The following SLC12A3 variants were observed in gnomAD, a reference collection of about 807,000 sequenced individuals.
The protein encoded by SLC12A3 is solute carrier family 12 member 3.
In SLC12A3, 104 loss-of-function variants were observed where a neutral mutation model predicts 121.0. The observed-to-expected ratio is 0.86, with a 90% CI of 0.73 to 1.01. The LOEUF is 1.01. SLC12A3 is among the 50% of genes least tolerant of loss of function. The pLI is 0.00. For missense variants in SLC12A3, 1,328 were observed against 1,356.3 expected (o/e 0.98, Z 0.33); for synonymous variants, 536 against 533.4 (o/e 1.00, Z -0.07).
rs754209317 is a variant in SLC12A3 at position 56,890,262 on chromosome 16, C to T, written c.2286-12C>T. ...TGGGGGAGAAGCTGGACCTCACCTC[C>T]TCTCTTTCCAGTGATGCCTTTGATT... On this transcript the variant is annotated splice_polypyrimidine_tract_variant and intron_variant, in intron 18 of 25. Transcript: ENST00000563236. The T allele has an allele frequency of 6.2e-7, 1 of 1,612,794 alleles. No individual in the cohort carries two copies.
chr16:56,877,937 G>A (rs1277273476), intron 8 of SLC12A3, 140 bp from the exon 9 acceptor site: 1 of 623,922 alleles, frequency 1.6e-6, no homozygotes. Context: ...AGGGGCCAAG[G>A]TCAGAGGTTG....
intron 18 of SLC12A3, among the ~76,000 whole-genome samples, chr16:56,889,434 C>T (rs560515672): frequency 2.8e-4 from 42 of 152,306 alleles, no homozygotes; most frequent in African/African-American, 9.9e-4. Context: ...TCAGGCAGTA[C>T]ATACACCTTT....
intron 25 of SLC12A3, among the ~76,000 whole-genome samples, chr16:56,910,872 C>T (rs1248185539): frequency 4.6e-5 from 7 of 152,154 alleles, no homozygotes; most frequent in African/African-American, 1.7e-4. Flanking sequence ...TGTTCTGGAA[C>T]AGTTTTATTT....
rs1596959977 is a variant in SLC12A3, at chr16:56,909,482, G to C, written c.2925-3782G>C. On this transcript the variant is annotated intron_variant, in intron 25 of 25. Coordinates refer to ENST00000563236, the MANE Select transcript of SLC12A3 (RefSeq NM_001126108.2). ...AATCCCCCACCCACCAGCCTTTGTG[G>C]GATTTGCCAATACAAGTAATTATAA... 4.0e-5 allele frequency among the ~76,000 whole-genome samples: 6 copies of C among 148,316 alleles called. No homozygotes were observed. In the South Asian group the frequency reaches 1.3e-3, roughly 32 times the overall value.
In SLC12A3 at chr16:56,913,806, G is replaced by T; in HGVS notation, c.*401G>T. On this transcript the variant is annotated 3_prime_UTR_variant, in exon 26 of 26. Transcript: ENST00000563236. ...TCCTGGGTGAAAGTTCCTAAATCAT[G>T]CCCTGCTTCCTCCAATAGGAGAATG... The T allele has an allele frequency of 3.1e-6, 1 of 322,490 alleles. No individual in the cohort carries two copies. The highest frequency in any genetic ancestry group is 2.6e-5 in the South Asian group (1 of 37,884). The allele number at this position is 322,490 out of a possible 1,614,324, so 20.0% of individuals were successfully genotyped here.
intron 22 of SLC12A3, among the ~76,000 whole-genome samples, chr16:56,895,950 T>C (rs1228286210): frequency 6.6e-6 from 1 of 152,012 alleles, no homozygotes; most frequent in Admixed American, 6.6e-5. Context: ...AAGAGTCTAA[T>C]GCCACTGCTG....
chr16:56,912,486 T>C (rs1281858403), intron 25 of SLC12A3, among the ~76,000 whole-genome samples: 1 of 152,138 alleles, frequency 6.6e-6, no homozygotes, highest in Non-Finnish European at 1.5e-5. Context: ...GACGCTGAGC[T>C]GGACAATGAA....
At chr16:56,887,827 G>T (rs2055338678) in intron 17 of SLC12A3, 98 bp from the exon 18 acceptor site, 5 of 319,148 alleles carry the variant, frequency 1.6e-5, no homozygotes, top group South Asian at 1.5e-4. Context: ...TTGAGAATCA[G>T]CACATCTGGA....
chr16:56,873,628 T>G (rs1188766583), intron 8 of SLC12A3, among the ~76,000 whole-genome samples: 1 of 151,474 alleles, frequency 6.6e-6, no homozygotes, highest in Admixed American at 6.6e-5. Context: ...CCTCAGGTGA[T>G]CCATTCGCCT....
chr16:56,878,506 A>T (rs1253748640), intron 9 of SLC12A3, among the ~76,000 whole-genome samples: 1 of 151,922 alleles, frequency 6.6e-6, no homozygotes, highest in African/African-American at 2.4e-5. Context: ...CCAGTAACTG[A>T]CTTCCCATGT....
chr16:56,887,148 G>A (rs2055325682), intron 17 of SLC12A3, 55 bp downstream of exon 17: 1 of 1,611,888 alleles, frequency 6.2e-7, no homozygotes, highest in East Asian at 2.2e-5. Context: ...GCACAACCTG[G>A]AAGGCAGAAA....
At chr16:56,870,816 T>A in intron 6 of SLC12A3, 80 bp downstream of exon 6, 1 of 762,394 alleles carries the variant, frequency 1.3e-6, no homozygotes, top group Non-Finnish European at 2.3e-6. Flanking sequence ...CCCTCCCTGG[T>A]CCTCTGCCTT....
chr16:56,876,798 A>G (rs2055169598), intron 8 of SLC12A3, among the ~76,000 whole-genome samples: 2 of 152,172 alleles, frequency 1.3e-5, no homozygotes, highest in South Asian at 4.1e-4. Context: ...TTGACTTCCC[A>G]TGGCAGGCCT....
At chr16:56,903,698 A>G (rs949714000) in intron 24 of SLC12A3, among the ~76,000 whole-genome samples, 1 of 152,102 alleles carries the variant, frequency 6.6e-6, no homozygotes, top group African/African-American at 2.4e-5. Flanking sequence ...AGTGTCAATC[A>G]TTTCTGAATA....
intron 8 of SLC12A3, among the ~76,000 whole-genome samples, chr16:56,877,700 C>T (rs1057275308): frequency 5.9e-5 from 9 of 152,348 alleles, no homozygotes; most frequent in African/African-American, 9.6e-5. Context: ...CCGGGCAGGC[C>T]GACTCCAGAG....
At chr16:56,879,680 G>C in intron 11 of SLC12A3, 31 bp downstream of exon 11, 2 of 1,545,468 alleles carry the variant, frequency 1.3e-6, no homozygotes, top group East Asian at 2.2e-5. Context: ...CGAGATGACA[G>C]GGGGTGGGGA....
chr16:56,912,308 T>C lies in SLC12A3; in HGVS notation c.2925-956T>C, dbSNP rs75281380. Among the ~76,000 whole-genome samples, 1,139 of 152,340 alleles carry C rather than the reference T, an allele frequency of 7.5e-3. 13 individuals are homozygous for C. The highest frequency in any genetic ancestry group is 0.025 in the African/African-American group (1,057 of 41,580). ...CAATGCATTTTTGGAATTCTCCAGA[T>C]AGTAGAAAAGTCACTTCCTGAAATA... On this transcript the variant is annotated intron_variant, in intron 25 of 25. Transcript: ENST00000563236.
At chr16:56,896,667 C>T (rs1656320484) in intron 22 of SLC12A3, among the ~76,000 whole-genome samples, 1 of 152,092 alleles carries the variant, frequency 6.6e-6, no homozygotes, top group East Asian at 1.9e-4. Context: ...AGGAGGATCA[C>T]TGAGCCCAGA....
chr16:56,895,782 A>T (rs1381608629), intron 22 of SLC12A3, among the ~76,000 whole-genome samples: 1 of 152,104 alleles, frequency 6.6e-6, no homozygotes, highest in Non-Finnish European at 1.5e-5. Context: ...CATATAATTT[A>T]AAAATGATAC....
Sources: allele counts gnomAD v4.1 joint callset (sites outside exome capture counted in the v4.1 genomes callset), GRCh38; gene constraint gnomAD v4.1.1; transcripts MANE v1.5; gene names NCBI Gene and HGNC (gene_info 2026-07-23, HGNC 2026-07-21).